Variants in KIAA1958 observed in about 807,000 individuals in gnomAD.
KIAA1958 encodes the protein KIAA1958, also known as uncharacterized protein KIAA1958.
In KIAA1958, 14 loss-of-function variants were observed where a neutral mutation model predicts 47.2. The observed-to-expected ratio is 0.30, with a 90% confidence interval of 0.20 to 0.46. The LOEUF (loss-of-function observed/expected upper bound fraction) is 0.46, where lower values mean the gene tolerates loss of function less well. Ranked by LOEUF, KIAA1958 falls within the 20% of genes least tolerant of loss-of-function variation. KIAA1958 has a pLI of 1.00. For missense variants in KIAA1958, 803 were observed against 909.2 expected, an observed-to-expected ratio of 0.88 and a Z score of 1.50; for synonymous variants, 354 against 353.3, an observed-to-expected ratio of 1.00 and a Z score of -0.02.
chr9:112,599,468 T>C (rs1836091289), intron 2 of KIAA1958, among the ~76,000 whole-genome samples: 1 of 152,204 alleles, frequency 6.6e-6, no homozygotes, highest in East Asian at 1.9e-4. Flanking sequence ...TTGAAAATGA[T>C]TTAATGTTCA....
At chr9:112,589,852 T>C (rs1564183404) in intron 2 of KIAA1958, among the ~76,000 whole-genome samples, 1 of 152,170 alleles carries the variant, frequency 6.6e-6, no homozygotes, top group East Asian at 1.9e-4. Context: ...CAAAGTTCCT[T>C]CTGACTTTTT....
intron 1 of KIAA1958, among the ~76,000 whole-genome samples, chr9:112,521,477 G>C (rs1564157765): frequency 6.6e-6 from 1 of 152,180 alleles, no homozygotes; most frequent in Non-Finnish European, 1.5e-5. Context: ...GCCTCCCAAA[G>C]AGCTAGAATT....
Position 112,662,135 on chromosome 9 carries a change from C to T in KIAA1958, c.*2066C>T, listed in dbSNP as rs1026936115. 2.0e-5 allele frequency: 3 copies of T among 152,174 alleles called. No individual in the cohort carries two copies. Among genetic ancestry groups the T allele is most frequent in the Non-Finnish European group, 2.9e-5 (2 of 68,036 alleles). The allele number at this position is 152,174 out of a possible 1,614,324, so 9.4% of individuals were successfully genotyped here. On this transcript the variant is annotated 3_prime_UTR_variant, in exon 4 of 4. Coordinates refer to ENST00000337530, the MANE Select transcript of KIAA1958 (RefSeq NM_133465.4). ...CTTTCTGTTGGTAGTGGCTTTTCAT[C>T]AGCTAAATAATCATCTCTGCCTCAA...
At chr9:112,521,474 A>G (rs1166369117) in intron 1 of KIAA1958, among the ~76,000 whole-genome samples, 3 of 152,192 alleles carry the variant, frequency 2.0e-5, no homozygotes, top group Admixed American at 1.3e-4. Flanking sequence ...TTGGCCTCCC[A>G]AAGAGCTAGA....
intron 1 of KIAA1958, among the ~76,000 whole-genome samples, chr9:112,556,860 G>A (rs1750384879): frequency 6.6e-6 from 1 of 152,194 alleles, no homozygotes; most frequent in African/African-American, 2.4e-5. Context: ...TAGTGGGGCA[G>A]GGAGACACAA....
At chr9:112,620,124 T>A (rs1240088475) in intron 2 of KIAA1958, among the ~76,000 whole-genome samples, 1 of 152,212 alleles carries the variant, frequency 6.6e-6, no homozygotes, top group Non-Finnish European at 1.5e-5. Context: ...TAATTTTGGT[T>A]AAACATTTGT....
rs1835584104 is a variant in KIAA1958 at position 112,573,915 on chromosome 9, C to T, written c.-24-142C>T. ...GTATTCTCTTCCAGTCCCTGCTCATCTACAGCGACCTTAACTAGATTCAGT... is the reference window on the plus strand; with the variant it reads ...GTATTCTCTTCCAGTCCCTGCTCATTTACAGCGACCTTAACTAGATTCAGT... On this transcript the variant is annotated intron_variant, in intron 1 of 3. Transcript: ENST00000337530. 6.0e-6 allele frequency: 3 copies of T among 503,600 alleles called. No individual in the cohort carries two copies. The Admixed American group carries it at 1.0e-4, about 17-fold the overall frequency. 31.2% of individuals were successfully genotyped at this position (503,600 alleles called of 1,614,324 possible).
chr9:112,618,670 G>C lies in KIAA1958; in HGVS notation c.1172-26980G>C. ...CGGCTCTGCATTGGTACAACTGCCA[G>C]GCCCTTGGCAAGAACAAGCTGGCCA... On this transcript the variant is annotated intron_variant, in intron 2 of 3. Coordinates refer to ENST00000337530, the MANE Select transcript of KIAA1958 (RefSeq NM_133465.4). This position sits in a 1 kb window ranked among gnomAD's most constrained non-coding sequence, Gnocchi z 7.1. The C allele has an allele frequency of 6.4e-7, 1 of 1,550,720 alleles. No homozygotes were observed. The highest frequency in any genetic ancestry group is 8.7e-7 in the Non-Finnish European group (1 of 1,147,010).
intron 1 of KIAA1958, among the ~76,000 whole-genome samples, chr9:112,546,158 C>A (rs181359632): frequency 2.0e-4 from 31 of 152,114 alleles, no homozygotes; most frequent in African/African-American, 7.0e-4. Flanking sequence ...TGGCCAAAAC[C>A]CGCCAAAACC....
At chr9:112,548,870 A>G (rs1289430153) in intron 1 of KIAA1958, among the ~76,000 whole-genome samples, 1 of 152,212 alleles carries the variant, frequency 6.6e-6, no homozygotes, top group Non-Finnish European at 1.5e-5. Flanking sequence ...CGGTGTCCTT[A>G]TAAGAAGTAG....
rs1833862068 is a variant in KIAA1958 at position 112,486,970 on chromosome 9, T to C, written c.-173T>C. The C allele has an allele frequency of 1.2e-5, 2 of 168,926 alleles. No homozygotes were observed. The highest frequency in any genetic ancestry group is 2.5e-5 in the Non-Finnish European group (2 of 80,724). The allele number at this position is 168,926 out of a possible 1,614,324, so 10.5% of individuals were successfully genotyped here. A position where few individuals can be genotyped will look rare whatever the true frequency, so the allele number is the denominator to read the frequency against. On this transcript the variant is annotated 5_prime_UTR_variant, in exon 1 of 4. Transcript: ENST00000337530. ...GCCGCCCGCCGGGCGCCTTCCCCGC[T>C]CCACTTACCTTTGGTGCCCGGCCCT...
At chr9:112,630,833 T>G (rs1191177266) in intron 2 of KIAA1958, among the ~76,000 whole-genome samples, 3 of 152,260 alleles carry the variant, frequency 2.0e-5, no homozygotes, top group Non-Finnish European at 4.4e-5. Context: ...CAGTTGAATA[T>G]TCCAAATAGA....
At chr9:112,632,807 A>G (rs1588047729) in intron 2 of KIAA1958, among the ~76,000 whole-genome samples, 1 of 152,026 alleles carries the variant, frequency 6.6e-6, no homozygotes, top group South Asian at 2.1e-4. Flanking sequence ...TTTCGCATGT[A>G]ATCATCTATA....
intron 1 of KIAA1958, among the ~76,000 whole-genome samples, chr9:112,535,568 A>G (rs1834840429): frequency 6.6e-6 from 1 of 151,924 alleles, no homozygotes; most frequent in Non-Finnish European, 1.5e-5. Context: ...TCTCTGACAT[A>G]CTGATTTCAT....
chr9:112,602,110 G>A (rs1180488635), intron 2 of KIAA1958, among the ~76,000 whole-genome samples: 2 of 152,154 alleles, frequency 1.3e-5, no homozygotes, highest in African/African-American at 4.8e-5. Context: ...TAATATGCAA[G>A]GAGTTGGGTG....
intron 2 of KIAA1958, among the ~76,000 whole-genome samples, chr9:112,614,289 A>G (rs1162252128): frequency 1.3e-5 from 2 of 152,164 alleles, no homozygotes; most frequent in Non-Finnish European, 1.5e-5. Context: ...GACATGAGAA[A>G]GGCTTCTCGG....
At chr9:112,515,911 AAAGAC>A (rs1173812184) in intron 1 of KIAA1958, among the ~76,000 whole-genome samples, 5 of 148,340 alleles carry the variant, frequency 3.4e-5, no homozygotes, top group African/African-American at 1.2e-4. Flanking sequence ...AAAAAAAAAA[AAAGAC>A]TGAATGCTTT....
rs140915610 is a variant in KIAA1958, at chr9:112,661,114, A to G, written c.*1045A>G. On this transcript the variant is annotated 3_prime_UTR_variant, in exon 4 of 4. Transcript: ENST00000337530. ...AAAGAGATTTGGAATATTTTTGTCAATGTATGACTTTTCAGCCACAATTAC... is the reference window on the plus strand; with the variant it reads ...AAAGAGATTTGGAATATTTTTGTCAGTGTATGACTTTTCAGCCACAATTAC... The G allele has an allele frequency of 1.6e-3, 244 of 152,330 alleles. 2 individuals are homozygous for G. The highest frequency in any genetic ancestry group is 5.6e-3 in the African/African-American group (231 of 41,576). 9.4% of individuals were successfully genotyped at this position (152,330 alleles called of 1,614,324 possible).
At chr9:112,556,953 T>C (rs1463740492) in intron 1 of KIAA1958, among the ~76,000 whole-genome samples, 1 of 152,094 alleles carries the variant, frequency 6.6e-6, no homozygotes, top group Non-Finnish European at 1.5e-5. Flanking sequence ...GAGAACCCAG[T>C]TGCTTTTGTT....
Sources: allele counts gnomAD v4.1 joint callset (sites outside exome capture counted in the v4.1 genomes callset), GRCh38; gene constraint gnomAD v4.1.1; non-coding constraint Gnocchi (gnomAD v3.1); transcripts MANE v1.5; gene names NCBI Gene and HGNC (gene_info 2026-07-23, HGNC 2026-07-21).